PRKN: variants seen among roughly 807,000 people sequenced by gnomAD.
PRKN encodes E3 ubiquitin-protein ligase parkin.
PRKN carries 56 observed loss-of-function variants against 59.5 expected under a neutral mutation model. That is an observed-to-expected ratio of 0.94 (90% CI 0.76 to 1.18). The LOEUF (loss-of-function observed/expected upper bound fraction) is 1.18. Ranked by LOEUF, PRKN falls within the 50% of genes most tolerant of loss-of-function variation. The pLI is 0.00. For missense variants in PRKN, 657 were observed against 596.4 expected (o/e 1.10, Z -1.06); for synonymous variants, 250 against 222.1 (o/e 1.13, Z -1.12).
Position 161,390,097 on chromosome 6 carries a change from A to C in PRKN, c.1084-3220T>G, listed in dbSNP as rs1392838176. On this transcript the variant is annotated intron_variant, in intron 9 of 11. Coordinates refer to ENST00000366898, the MANE Select transcript of PRKN (RefSeq NM_004562.3). The surrounding 1 kb of genome is among the most constrained non-coding windows in gnomAD (Gnocchi z 7.0). ...AGTATAATTTAAATTTAGATCTATC[A>C]TGCAGTGGTCCTTCCCAATTAAGTA... is the stretch of plus-strand genomic sequence containing the variant. Among the ~76,000 whole-genome samples the C allele has an allele frequency of 6.6e-6, 1 of 152,226 alleles. No individual in the cohort carries two copies. The highest frequency in any genetic ancestry group is 1.5e-5 in the Non-Finnish European group (1 of 68,040).
chr6:162,537,201 A>G (rs1379561003), intron 1 of PRKN, among the ~76,000 whole-genome samples: 1 of 152,084 alleles, frequency 6.6e-6, no homozygotes, highest in African/African-American at 2.4e-5. Flanking sequence ...ACAGCAAAAT[A>G]TCTGACACAC....
In PRKN at chr6:162,381,371, C is replaced by T. The variant is rs2272787; in HGVS notation, c.171+61939G>A. Among the ~76,000 whole-genome samples, 560 of 152,280 alleles carry T rather than the reference C, an allele frequency of 3.7e-3. 14 individuals are homozygous for T. The East Asian group carries it at 0.037, about 10-fold the overall frequency. On this transcript the variant is annotated intron_variant, in intron 2 of 11. Coordinates refer to ENST00000366898, the MANE Select transcript of PRKN (RefSeq NM_004562.3). ...ATCTTCTGTATCCTAATTTTCCCCACTCAATTCGATTTTTGAGATGAACTG... is the reference window on the plus strand; with the variant it reads ...ATCTTCTGTATCCTAATTTTCCCCATTCAATTCGATTTTTGAGATGAACTG...
Position 162,727,711 on chromosome 6 carries a change from T to A in PRKN, c.-43A>T, listed in dbSNP as rs576793884. The stretch of plus-strand genomic sequence containing the variant: ...CGGCTGCGGGCCAGGAACAGGCCCA[T>A]GCGCGCAGCGGCGCCAGCCGCGCCT... On this transcript the variant is annotated 5_prime_UTR_variant, in exon 1 of 12. It removes an upstream start codon present in the reference 5' UTR. Coordinates refer to ENST00000366898, the MANE Select transcript of PRKN (RefSeq NM_004562.3). 4.5e-6 allele frequency: 7 copies of A among 1,555,762 alleles called. No individual in the cohort carries two copies. Among genetic ancestry groups the A allele is most frequent in the African/African-American group, 1.4e-5 (1 of 73,106 alleles).
At chr6:161,800,833 A>G (rs1314531642) in intron 6 of PRKN, among the ~76,000 whole-genome samples, 1 of 152,170 alleles carries the variant, frequency 6.6e-6, no homozygotes, top group Non-Finnish European at 1.5e-5. Flanking sequence ...TCTTCTCATC[A>G]TTTAGTGAAT....
At chr6:162,002,150 A>G (rs945414808) in intron 5 of PRKN, among the ~76,000 whole-genome samples, 1 of 151,958 alleles carries the variant, frequency 6.6e-6, no homozygotes, top group African/African-American at 2.4e-5. Flanking sequence ...TGTTGTTTGT[A>G]GTAGGGTAAT....
chr6:161,351,182 T>C (rs1784538188), intron 11 of PRKN, among the ~76,000 whole-genome samples: 1 of 137,968 alleles, frequency 7.2e-6, no homozygotes, highest in Non-Finnish European at 1.5e-5. Flanking sequence ...AATATATTGA[T>C]AAAATTTGAT....
intron 6 of PRKN, among the ~76,000 whole-genome samples, chr6:161,855,585 T>A (rs527858064): frequency 2.2e-5 from 3 of 137,318 alleles, no homozygotes; most frequent in Non-Finnish European, 4.7e-5. Flanking sequence ...ACATTACTAT[T>A]GTTCACTTTC....
At chr6:162,598,763 G>A (rs1781584837) in intron 1 of PRKN, among the ~76,000 whole-genome samples, 1 of 145,400 alleles carries the variant, frequency 6.9e-6, no homozygotes, top group African/African-American at 2.6e-5. Flanking sequence ...TGAGGCATGA[G>A]AATTGCTTGA....
At chr6:161,375,393 T>C (rs1785653433) in intron 10 of PRKN, among the ~76,000 whole-genome samples, 1 of 152,226 alleles carries the variant, frequency 6.6e-6, no homozygotes, top group Non-Finnish European at 1.5e-5. Flanking sequence ...GTGGTGTCAC[T>C]GTGTGTGTAC....
chr6:162,214,168 A>T (rs2128076268), intron 3 of PRKN, among the ~76,000 whole-genome samples: 1 of 152,296 alleles, frequency 6.6e-6, no homozygotes, highest in Middle Eastern at 3.4e-3. Context: ...GGAACAGATC[A>T]AACAAATAGG....
intron 2 of PRKN, among the ~76,000 whole-genome samples, chr6:162,326,064 G>T (rs1481333218): frequency 6.6e-6 from 1 of 152,078 alleles, no homozygotes; most frequent in Non-Finnish European, 1.5e-5. Flanking sequence ...TGAATAACTT[G>T]TAAAATCCTA....
intron 6 of PRKN, among the ~76,000 whole-genome samples, chr6:161,925,642 T>C (rs1378426336): frequency 1.3e-5 from 2 of 152,244 alleles, no homozygotes; most frequent in Non-Finnish European, 2.9e-5. Flanking sequence ...ATCCATTTTA[T>C]ACTTCATTAG....
intron 2 of PRKN, among the ~76,000 whole-genome samples, chr6:162,390,925 T>C (rs1318295252): frequency 6.6e-6 from 1 of 152,140 alleles, no homozygotes; most frequent in African/African-American, 2.4e-5. Flanking sequence ...TAATAGAGTA[T>C]AGATTATTCT....
At chr6:162,110,775 G>A (rs930434046) in intron 4 of PRKN, among the ~76,000 whole-genome samples, 2 of 152,090 alleles carry the variant, frequency 1.3e-5, no homozygotes, top group Admixed American at 6.6e-5. Context: ...GATCACAAAC[G>A]CCACCAGATG....
At chr6:161,703,281 G>A (rs1242529413) in intron 7 of PRKN, among the ~76,000 whole-genome samples, 1 of 152,154 alleles carries the variant, frequency 6.6e-6, no homozygotes, top group Non-Finnish European at 1.5e-5. Flanking sequence ...GCAATGGACA[G>A]AGCAAGACCT....
intron 6 of PRKN, among the ~76,000 whole-genome samples, chr6:161,849,050 G>C (rs1000237221): frequency 6.6e-6 from 1 of 152,192 alleles, no homozygotes; most frequent in African/African-American, 2.4e-5. Flanking sequence ...GGCAGTTCCA[G>C]ATGAGGTGCT....
At chr6:161,415,592 G>GCCAC (rs1562432936) in intron 9 of PRKN, among the ~76,000 whole-genome samples, 2 of 36,252 alleles carry the variant, frequency 5.5e-5, no homozygotes, top group Non-Finnish European at 1.1e-4. Context: ...AGGAAATGTC[G>GCCAC]CCCCCCCCCC....
intron 5 of PRKN, among the ~76,000 whole-genome samples, chr6:161,986,380 A>G (rs576651869): frequency 6.6e-6 from 1 of 151,788 alleles, no homozygotes; most frequent in Non-Finnish European, 1.5e-5. Flanking sequence ...GAAGCTAAAA[A>G]CCCTCTTGAG....
chr6:161,571,071 A>G (rs561202400), intron 7 of PRKN, among the ~76,000 whole-genome samples: 2 of 152,206 alleles, frequency 1.3e-5, no homozygotes, highest in African/African-American at 4.8e-5. Context: ...AGCTGGGACT[A>G]CAGGTGTGTG....
Sources: gnomAD v4.1 joint callset for allele counts (sites outside exome capture counted in the v4.1 genomes callset) on GRCh38, gnomAD v4.1.1 for gene constraint, Gnocchi (gnomAD v3.1) non-coding constraint, MANE v1.5 for transcripts, NCBI Gene and HGNC (gene_info 2026-07-23, HGNC 2026-07-21) for gene names.